LRRTM4: variants seen among roughly 807,000 people sequenced by gnomAD.
The protein encoded by LRRTM4 is leucine rich repeat transmembrane neuronal 4.
In LRRTM4, 25 loss-of-function variants were observed where a neutral mutation model predicts 47.6. The observed-to-expected ratio is 0.53, with a 90% CI of 0.38 to 0.73. The LOEUF (loss-of-function observed/expected upper bound fraction) is 0.73, where lower values mean the gene tolerates loss of function less well. Among genes scored for constraint, LRRTM4 ranks in the 30% least tolerant of loss-of-function variants. The pLI, the probability that LRRTM4 is intolerant of heterozygous loss-of-function variation, is 0.00. For synonymous variants in LRRTM4, 311 were observed against 269.5 expected (o/e 1.15, Z -1.51); for missense variants, 638 against 713.4 (o/e 0.89, Z 1.20).
intron 3 of LRRTM4, among the ~76,000 whole-genome samples, chr2:76,952,410 C>T (rs1165814348): frequency 6.6e-6 from 1 of 151,864 alleles, no homozygotes; most frequent in East Asian, 1.9e-4. Context: ...CAAAAGAAGG[C>T]ATACGTGTAG....
At chr2:76,827,286 T>C (rs894572170) in intron 3 of LRRTM4, among the ~76,000 whole-genome samples, 1 of 151,846 alleles carries the variant, frequency 6.6e-6, no homozygotes, top group Admixed American at 6.6e-5. Context: ...TCTCAGGACC[T>C]AATTATTTCT....
intron 3 of LRRTM4, among the ~76,000 whole-genome samples, chr2:77,080,795 A>C (rs1194244157): frequency 6.6e-6 from 1 of 152,176 alleles, no homozygotes; most frequent in Non-Finnish European, 1.5e-5. Flanking sequence ...CTTGCCCTCA[A>C]GGTACTTAAC....
chr2:77,312,767 A>G (rs927762717), intron 3 of LRRTM4, among the ~76,000 whole-genome samples: 6 of 152,228 alleles, frequency 3.9e-5, no homozygotes, highest in African/African-American at 1.2e-4. Context: ...AAAGAAAAAA[A>G]AAGCAAATAC....
intron 3 of LRRTM4, among the ~76,000 whole-genome samples, chr2:77,325,754 G>A (rs1404819982): frequency 6.6e-6 from 1 of 152,122 alleles, no homozygotes; most frequent in Non-Finnish European, 1.5e-5. Flanking sequence ...AAAAAGATGT[G>A]TGAAAGCTTT....
At chr2:77,409,270 A>C (rs1573374971) in intron 3 of LRRTM4, among the ~76,000 whole-genome samples, 1 of 151,946 alleles carries the variant, frequency 6.6e-6, no homozygotes, top group African/African-American at 2.4e-5. Context: ...AGAATACCTG[A>C]GTTTGGGTAA....
chr2:76,801,082 G>A (rs201166601), intron 3 of LRRTM4, among the ~76,000 whole-genome samples: 12,520 of 149,020 alleles, frequency 0.084, 583 homozygotes, highest in Middle Eastern at 0.15. Context: ...AAACTAGTTC[G>A]ACCATTGTGG....
At chr2:76,938,510 G>A (rs1407905805) in intron 3 of LRRTM4, among the ~76,000 whole-genome samples, 1 of 152,054 alleles carries the variant, frequency 6.6e-6, no homozygotes, top group Non-Finnish European at 1.5e-5. Context: ...TTGTAGTTAT[G>A]TTTTGGGAAA....
intron 3 of LRRTM4, among the ~76,000 whole-genome samples, chr2:76,883,137 T>C (rs993324105): frequency 5.9e-5 from 9 of 152,130 alleles, no homozygotes; most frequent in Admixed American, 2.6e-4. Flanking sequence ...TGCTTCAATA[T>C]GTGAAACTCA....
At chr2:77,011,482 C>T (rs1677871001) in intron 3 of LRRTM4, among the ~76,000 whole-genome samples, 1 of 150,656 alleles carries the variant, frequency 6.6e-6, no homozygotes, top group South Asian at 2.1e-4. Context: ...TATTGTTGAG[C>T]TTGATGTCTC....
At chr2:77,383,797 G>A (rs923110020) in intron 3 of LRRTM4, among the ~76,000 whole-genome samples, 6 of 151,934 alleles carry the variant, frequency 3.9e-5, no homozygotes, top group Non-Finnish European at 7.4e-5. Flanking sequence ...TGGAAGCACT[G>A]ACCAGCAGTT....
At chr2:77,140,559 G>A (rs62159126) in intron 3 of LRRTM4, among the ~76,000 whole-genome samples, 51,931 of 150,214 alleles carry the variant, frequency 0.35, 9,300 homozygotes, top group African/African-American at 0.51. Context: ...CAGGACATAG[G>A]CATGGGCAAG....
chr2:77,480,928 C>T (rs147507676), intron 3 of LRRTM4, among the ~76,000 whole-genome samples: 49 of 150,884 alleles, frequency 3.2e-4, no homozygotes, highest in African/African-American at 1.1e-3. Context: ...AATGATGCAA[C>T]GAAGAATCAC....
chr2:77,431,863 C>G (rs1385423917), intron 3 of LRRTM4, among the ~76,000 whole-genome samples: 4 of 149,240 alleles, frequency 2.7e-5, no homozygotes, highest in African/African-American at 1.0e-4. Context: ...ATCATGAGGT[C>G]AAGAGATCGA....
At chr2:76,800,197 A>T (rs1052194989) in intron 3 of LRRTM4, among the ~76,000 whole-genome samples, 7 of 147,664 alleles carry the variant, frequency 4.7e-5, no homozygotes, top group Non-Finnish European at 8.9e-5. Context: ...CCCTGACTTC[A>T]AACTATACTA....
chr2:77,139,103 A>G (rs549834665), intron 3 of LRRTM4, among the ~76,000 whole-genome samples: 182 of 152,232 alleles, frequency 1.2e-3, no homozygotes, highest in African/African-American at 3.9e-3. Context: ...AAAAGAAGGA[A>G]TCCTCCCTAA....
chr2:76,797,471 A>C (rs1434533204), intron 3 of LRRTM4, among the ~76,000 whole-genome samples: 5 of 152,144 alleles, frequency 3.3e-5, no homozygotes, highest in Non-Finnish European at 5.9e-5. Flanking sequence ...GAAAGCACTA[A>C]ACATGGAAAG....
intron 3 of LRRTM4, among the ~76,000 whole-genome samples, chr2:76,963,582 T>A (rs1395327318): frequency 6.6e-6 from 1 of 150,900 alleles, no homozygotes; most frequent in Non-Finnish European, 1.5e-5. Context: ...GAAAACACAT[T>A]TAAAGATTCT....
intron 3 of LRRTM4, among the ~76,000 whole-genome samples, chr2:77,432,261 C>G (rs1004049932): frequency 1.3e-5 from 2 of 152,198 alleles, no homozygotes; most frequent in Non-Finnish European, 2.9e-5. Context: ...TTCCTGGGTG[C>G]AACCCACGTA....
intron 3 of LRRTM4, among the ~76,000 whole-genome samples, chr2:77,125,990 T>G (rs1347873086): frequency 6.6e-6 from 1 of 151,264 alleles, no homozygotes; most frequent in African/African-American, 2.4e-5. Flanking sequence ...AGACTGACCA[T>G]ACATATATAT....
Sources: allele counts gnomAD v4.1 joint callset (sites outside exome capture counted in the v4.1 genomes callset), GRCh38; gene constraint gnomAD v4.1.1; transcripts MANE v1.5; gene names NCBI Gene and HGNC (gene_info 2026-07-23, HGNC 2026-07-21).